The following SUGP1 variants were observed in gnomAD, a reference collection of about 807,000 sequenced individuals.
The protein encoded by SUGP1 is SURP and G-patch domain containing 1.
SUGP1 carries 34 observed loss-of-function variants against 76.5 expected under a neutral mutation model. The ratio of observed to expected loss-of-function variants is 0.44; its 90% CI spans 0.34 to 0.59. The LOEUF (loss-of-function observed/expected upper bound fraction) is 0.59, where lower values mean the gene tolerates loss of function less well. Among genes scored for constraint, SUGP1 ranks in the 20% least tolerant of loss-of-function variants. The probability of loss-of-function intolerance (pLI) is 0.01; values close to 1 mark genes in which losing one functional copy is unlikely to be tolerated. For missense variants in SUGP1, 752 were observed against 851.7 expected (o/e 0.88, Z 1.46); for synonymous variants, 326 against 326.2 (o/e 1.00, Z 0.01).
chr19:19,290,254 G>A (rs991461864), intron 8 of SUGP1, among the ~76,000 whole-genome samples: 1 of 152,124 alleles, frequency 6.6e-6, no homozygotes, highest in Non-Finnish European at 1.5e-5. Context: ...AAGGAGAGAG[G>A]GAAGGAGCAG....
rs769000483 is a variant in SUGP1, at chr19:19,303,327, C to T, written c.763+21G>A. 5.0e-6 allele frequency: 8 copies of T among 1,608,324 alleles called. 1 individual carries two copies. The highest frequency in any genetic ancestry group is 6.8e-6 in the Non-Finnish European group (8 of 1,175,110). ...TGTCCACAGGCCTCCCCAGAATCTC[C>T]CACCCGCTCCGTCCACCTACCTTTC... On this transcript the variant is annotated intron_variant, in intron 6 of 13. Transcript: ENST00000247001.
At chr19:19,305,392 A>G (rs1250554326) in intron 4 of SUGP1, among the ~76,000 whole-genome samples, 1 of 152,184 alleles carries the variant, frequency 6.6e-6, no homozygotes, top group East Asian at 1.9e-4. Context: ...CCAGGGATAG[A>G]AGAGAGCACC....
chr19:19,285,607 C>A (rs1274934123), intron 8 of SUGP1, among the ~76,000 whole-genome samples: 1 of 152,044 alleles, frequency 6.6e-6, no homozygotes, highest in African/African-American at 2.4e-5. Flanking sequence ...ACTTTTTTGT[C>A]CAGGCTGGAG....
chr19:19,300,478 C>T (rs935345356), intron 7 of SUGP1, among the ~76,000 whole-genome samples: 3 of 152,206 alleles, frequency 2.0e-5, no homozygotes, highest in African/African-American at 7.2e-5. Context: ...GGAGTGGCCA[C>T]ATGAGGCGGC....
intron 7 of SUGP1, among the ~76,000 whole-genome samples, chr19:19,299,206 A>G (rs1277157218): frequency 6.6e-6 from 1 of 152,254 alleles, no homozygotes; most frequent in Non-Finnish European, 1.5e-5. Context: ...CTTTCCTATT[A>G]GAACAGTGGA....
chr19:19,297,618 T>C (rs937280792), intron 7 of SUGP1, among the ~76,000 whole-genome samples: 3 of 152,166 alleles, frequency 2.0e-5, no homozygotes, highest in Non-Finnish European at 4.4e-5. Flanking sequence ...TTGTTCACCC[T>C]GCTACAAAGG....
Position 19,306,074 on chromosome 19 carries a change from C to T in SUGP1, c.313G>A (p.Ala105Thr), listed in dbSNP as rs1288215925. 1.9e-6 allele frequency: 3 copies of T among 1,590,384 alleles called. No homozygotes were observed. Among genetic ancestry groups the T allele is most frequent in the Admixed American group, 1.8e-5 (1 of 55,962 alleles). Reference protein sequence around the residue: ...KLQKAQTSTDAPTSAPSAPPS... With the variant: ...KLQKAQTSTDTPTSAPSAPPS... ...GGGGCGCTGGGCGCACTGGTCGGGG[C>T]GTCTGGTATAGAAGGAAGGATATGC... The change falls in exon 4 of 14, where the codon GCC (alanine) becomes ACC (threonine). Residue 105 changes from alanine to threonine, a missense_variant and splice_region_variant. Ala to Thr is a moderately conservative substitution (Grantham distance 58). Transcript: ENST00000247001.
chr19:19,288,055 CT>C (rs201028654), intron 8 of SUGP1, among the ~76,000 whole-genome samples: 15 of 151,412 alleles, frequency 9.9e-5, no homozygotes, highest in Admixed American at 4.6e-4. Context: ...TTCCTCCCTT[CT>C]TTTTTTTTAA....
intron 3 of SUGP1, among the ~76,000 whole-genome samples, chr19:19,306,315 G>A (rs1229315024): frequency 1.3e-5 from 2 of 152,224 alleles, no homozygotes; most frequent in Non-Finnish European, 2.9e-5. Context: ...GGGCCGCTGT[G>A]GCTGGAGGCA....
intron 1 of SUGP1, among the ~76,000 whole-genome samples, chr19:19,319,722 A>AG (rs1312194149): frequency 2.6e-5 from 4 of 151,346 alleles, no homozygotes; most frequent in African/African-American, 7.3e-5. Flanking sequence ...AAAAAAAAAA[A>AG]AAAAAAAGAA....
At chr19:19,298,998 C>T (rs1369130011) in intron 7 of SUGP1, among the ~76,000 whole-genome samples, 2 of 152,300 alleles carry the variant, frequency 1.3e-5, no homozygotes, top group South Asian at 4.1e-4. Flanking sequence ...GTGGAGCCCC[C>T]CAACACCCCA....
intron 9 of SUGP1, 94 bp from the exon 10 acceptor site, chr19:19,279,484 G>A (rs757346217): frequency 7.9e-6 from 11 of 1,392,330 alleles, no homozygotes; most frequent in African/African-American, 2.9e-5. Flanking sequence ...GGCATCCCCC[G>A]CCGGAACGTG....
chr19:19,317,629 C>T (rs551553631), intron 1 of SUGP1, among the ~76,000 whole-genome samples: 6 of 151,996 alleles, frequency 3.9e-5, no homozygotes, highest in African/African-American at 1.4e-4. Flanking sequence ...GCAATCCTCC[C>T]ACCTCAGCCT....
At chr19:19,311,552 C>T (rs1451756402) in intron 2 of SUGP1, among the ~76,000 whole-genome samples, 1 of 151,588 alleles carries the variant, frequency 6.6e-6, no homozygotes, top group African/African-American at 2.4e-5. Flanking sequence ...ACAGTGAAAC[C>T]CCATCTCTAC....
At chr19:19,320,373 G>A (rs1398391376) in intron 1 of SUGP1, 90 bp downstream of exon 1, 2 of 1,377,368 alleles carry the variant, frequency 1.5e-6, no homozygotes, top group Admixed American at 2.4e-5. Context: ...AGGGATCCAC[G>A]GGTCGCAGCA....
intron 7 of SUGP1, 150 bp downstream of exon 7, chr19:19,302,115 A>C (rs1278742018): frequency 2.4e-6 from 3 of 1,267,374 alleles, no homozygotes; most frequent in Admixed American, 2.2e-5. Flanking sequence ...GGGGAGGCAG[A>C]GCTGGGCTCT....
At chr19:19,320,219 C>G (rs2061431951) in intron 1 of SUGP1, among the ~76,000 whole-genome samples, 1 of 152,222 alleles carries the variant, frequency 6.6e-6, no homozygotes, top group Non-Finnish European at 1.5e-5. Flanking sequence ...AAACGGGACG[C>G]AGGGCCGAGC....
intron 9 of SUGP1, 132 bp from the exon 10 acceptor site, chr19:19,279,522 G>A (rs1193947649): frequency 6.2e-6 from 6 of 965,030 alleles, no homozygotes; most frequent in Non-Finnish European, 9.1e-6. Context: ...GGCAGGACTG[G>A]AGCAAGGACT....
chr19:19,288,172 G>GT (rs2061155534), intron 8 of SUGP1, among the ~76,000 whole-genome samples: 1 of 151,978 alleles, frequency 6.6e-6, no homozygotes, highest in East Asian at 2.0e-4. Context: ...AAGAGGCAGG[G>GT]TCTGTCTGGT....
Sources: allele counts gnomAD v4.1 joint callset (sites outside exome capture counted in the v4.1 genomes callset), GRCh38; gene constraint gnomAD v4.1.1; transcripts MANE v1.5; gene names NCBI Gene and HGNC (gene_info 2026-07-23, HGNC 2026-07-21).